Variants in TEAD1 observed in about 807,000 individuals in gnomAD.
TEAD1 encodes transcriptional enhancer factor TEF-1.
In TEAD1, 9 loss-of-function variants were observed where a neutral mutation model predicts 54.9. The observed-to-expected ratio is 0.16, with a 90% CI of 0.10 to 0.29. The LOEUF is 0.29. Among genes scored for constraint, TEAD1 ranks in the 10% least tolerant of loss-of-function variants. The pLI, the probability that TEAD1 is intolerant of heterozygous loss-of-function variation, is 1.00. For synonymous variants in TEAD1, 200 were observed against 187.8 expected (o/e 1.07, Z -0.53); for missense variants, 387 against 535.9 (o/e 0.72, Z 2.74).
chr11:12,800,554 A>C (rs1357197692), intron 3 of TEAD1, among the ~76,000 whole-genome samples: 1 of 152,212 alleles, frequency 6.6e-6, no homozygotes, highest in Non-Finnish European at 1.5e-5. Flanking sequence ...AAAGCATATC[A>C]ATCAGGGAAT....
At chr11:12,879,885 G>A in intron 6 of TEAD1, 43 bp downstream of exon 6, 2 of 1,610,782 alleles carry the variant, frequency 1.2e-6, no homozygotes, top group Non-Finnish European at 1.7e-6. Flanking sequence ...TGCTGGGGTT[G>A]GGGTTGGCAT....
At chr11:12,755,981 T>C (rs1385371161) in intron 2 of TEAD1, among the ~76,000 whole-genome samples, 2 of 152,158 alleles carry the variant, frequency 1.3e-5, no homozygotes, top group East Asian at 3.8e-4. Context: ...AGGCTGGTAA[T>C]GCAGAGTGGT....
intron 3 of TEAD1, among the ~76,000 whole-genome samples, chr11:12,828,989 A>C (rs996875679): frequency 6.6e-6 from 1 of 152,080 alleles, no homozygotes; most frequent in Non-Finnish European, 1.5e-5. Flanking sequence ...GAGGATTTTT[A>C]AATATCGGAA....
chr11:12,866,232 TTC>T (rs1345039560), intron 5 of TEAD1, among the ~76,000 whole-genome samples: 1 of 152,224 alleles, frequency 6.6e-6, no homozygotes, highest in Non-Finnish European at 1.5e-5. Context: ...TTTGCTCAAG[TTC>T]TGACTCTGTT....
chr11:12,771,407 A>G (rs1315774855), intron 3 of TEAD1, among the ~76,000 whole-genome samples: 1 of 152,218 alleles, frequency 6.6e-6, no homozygotes, highest in Non-Finnish European at 1.5e-5. Context: ...TGAGGCCTGC[A>G]CTAGGATGCA....
chr11:12,714,268 C>T (rs1458009808), intron 2 of TEAD1, among the ~76,000 whole-genome samples: 1 of 152,108 alleles, frequency 6.6e-6, no homozygotes, highest in East Asian at 1.9e-4. Flanking sequence ...AGTCTCCTGG[C>T]ACAAGGAGAA....
chr11:12,835,342 T>A (rs764507399), intron 3 of TEAD1, among the ~76,000 whole-genome samples: 1 of 151,920 alleles, frequency 6.6e-6, no homozygotes, highest in Non-Finnish European at 1.5e-5. Flanking sequence ...GGCTCTGAGG[T>A]TGGTTGGTTG....
chr11:12,861,439 G>A (rs1947501523), intron 3 of TEAD1, among the ~76,000 whole-genome samples: 1 of 152,082 alleles, frequency 6.6e-6, no homozygotes, highest in South Asian at 2.1e-4. Flanking sequence ...CGTACTGTTA[G>A]CTTCTTGTCA....
chr11:12,738,860 C>A (rs1208443605), intron 2 of TEAD1, among the ~76,000 whole-genome samples: 1 of 152,088 alleles, frequency 6.6e-6, no homozygotes, highest in Non-Finnish European at 1.5e-5. Context: ...CCTAAAGACA[C>A]ACTCCAGTAA....
chr11:12,901,643 T>C (rs1246720066), intron 9 of TEAD1, among the ~76,000 whole-genome samples: 1 of 152,230 alleles, frequency 6.6e-6, no homozygotes, highest in Non-Finnish European at 1.5e-5. Context: ...GTAATACAAT[T>C]GTTTCTTGGT....
chr11:12,930,992 A>G (rs1222790223), intron 12 of TEAD1, among the ~76,000 whole-genome samples: 1 of 152,232 alleles, frequency 6.6e-6, no homozygotes, highest in African/African-American at 2.4e-5. Context: ...TAGGCTGAGT[A>G]CAGTGGCTTA....
At chr11:12,735,091 A>G (rs1944502056) in intron 2 of TEAD1, among the ~76,000 whole-genome samples, 1 of 152,246 alleles carries the variant, frequency 6.6e-6, no homozygotes, top group South Asian at 2.1e-4. Flanking sequence ...CTAATTGACA[A>G]GAATCTGGGG....
In TEAD1 at chr11:12,938,033, T is replaced by C. The variant is rs1949126180; in HGVS notation, c.*811T>C. On this transcript the variant is annotated 3_prime_UTR_variant, in exon 13 of 13. Transcript: ENST00000527636. ...ACTAATGTGATGATGGATTATTTAA[T>C]GAAAAAGAAAAAATGGCTCTTTTTG... is the stretch of plus-strand genomic sequence containing the variant. 1.3e-5 allele frequency: 2 copies of C among 152,494 alleles called. No homozygotes were observed. The highest frequency in any genetic ancestry group is 6.5e-5 in the Admixed American group (1 of 15,272). The allele number at this position is 152,494 out of a possible 1,614,324, so 9.4% of individuals were successfully genotyped here.
intron 10 of TEAD1, among the ~76,000 whole-genome samples, chr11:12,904,157 A>G (rs1212808018): frequency 6.6e-6 from 1 of 152,218 alleles, no homozygotes; most frequent in Non-Finnish European, 1.5e-5. Flanking sequence ...GAACTGCTTT[A>G]GTATGAATCA....
intron 3 of TEAD1, among the ~76,000 whole-genome samples, chr11:12,811,156 T>C (rs1946292333): frequency 6.6e-6 from 1 of 151,970 alleles, no homozygotes; most frequent in Non-Finnish European, 1.5e-5. Context: ...TCACATCCAG[T>C]GAGATAGAGG....
chr11:12,786,342 G>C (rs138313172), intron 3 of TEAD1, among the ~76,000 whole-genome samples: 23 of 152,264 alleles, frequency 1.5e-4, no homozygotes, highest in African/African-American at 5.3e-4. Context: ...CCAGAGGAGA[G>C]GAAATGGTTC....
chr11:12,751,011 A>G (rs1944858550), intron 2 of TEAD1, among the ~76,000 whole-genome samples: 1 of 152,188 alleles, frequency 6.6e-6, no homozygotes, highest in Non-Finnish European at 1.5e-5. Context: ...CTGAATGCCA[A>G]ACATAGAAAA....
rs1590146304 is a variant in TEAD1 at position 12,782,683 on chromosome 11, G to T, written c.202+18249G>T. Reference sequence around the variant, plus strand: ...GTGTATATGCTCAGCATCATGCTTGGCCTTGATAAATTGGTAAATGTTAGC... The same window carrying T: ...GTGTATATGCTCAGCATCATGCTTGTCCTTGATAAATTGGTAAATGTTAGC... On this transcript the variant is annotated intron_variant, in intron 3 of 12. Coordinates refer to ENST00000527636, the MANE Select transcript of TEAD1 (RefSeq NM_021961.6). Among the ~76,000 whole-genome samples, 3 of 152,296 alleles carry T rather than the reference G, an allele frequency of 2.0e-5. No homozygotes were observed. In the East Asian group the frequency reaches 5.8e-4, roughly 29 times the overall value.
At chr11:12,887,613 A>G (rs756424449) in intron 9 of TEAD1, among the ~76,000 whole-genome samples, 16 of 152,218 alleles carry the variant, frequency 1.1e-4, no homozygotes, top group Non-Finnish European at 1.9e-4. Context: ...CAATCAAGGT[A>G]TAATGGTACT....
Sources: gnomAD v4.1 joint callset for allele counts (sites outside exome capture counted in the v4.1 genomes callset) on GRCh38, gnomAD v4.1.1 for gene constraint, MANE v1.5 for transcripts, NCBI Gene and HGNC (gene_info 2026-07-23, HGNC 2026-07-21) for gene names.